Variants in ADGRB1 observed in about 807,000 individuals in gnomAD.
ADGRB1 encodes brain-specific angiogenesis inhibitor 1.
ADGRB1 carries 36 observed loss-of-function variants against 175.7 expected under a neutral mutation model. The observed-to-expected ratio is 0.20, with a 90% CI of 0.16 to 0.27. The LOEUF is 0.27. ADGRB1 is among the 10% of genes least tolerant of loss of function. The probability of loss-of-function intolerance (pLI) is 1.00; values close to 1 mark genes in which losing one functional copy is unlikely to be tolerated. For synonymous variants in ADGRB1, 1,054 were observed against 979.4 expected, an observed-to-expected ratio of 1.08 and a Z score of -1.42; for missense variants, 1,731 against 2,255.3, an observed-to-expected ratio of 0.77 and a Z score of 4.71.
intron 2 of ADGRB1, among the ~76,000 whole-genome samples, chr8:142,469,473 A>G (rs1241871724): frequency 7.6e-5 from 9 of 118,802 alleles, no homozygotes; most frequent in Admixed American, 2.5e-4. Context: ...ATGCACGTGC[A>G]TGTGTGAGTG....
chr8:142,469,271 G>A (rs576079435), intron 2 of ADGRB1, among the ~76,000 whole-genome samples: 4 of 150,238 alleles, frequency 2.7e-5, no homozygotes, highest in Admixed American at 6.6e-5. Flanking sequence ...GTGTGTGCAC[G>A]TGCAGGTGAG....
intron 23 of ADGRB1, 96 bp from the exon 24 acceptor site, chr8:142,526,446 T>G: frequency 8.8e-7 from 1 of 1,134,530 alleles, no homozygotes; most frequent in Non-Finnish European, 1.3e-6. Flanking sequence ...GGGTAGGGGG[T>G]CGTGGTTGGC....
At position 142,516,473 on chromosome 8, in the gene ADGRB1, G is replaced by A. The variant is rs556927874; in HGVS notation, c.2818-1665G>A. Among the ~76,000 whole-genome samples, 120 of 139,652 alleles carry A rather than the reference G, an allele frequency of 8.6e-4. 1 individual carries two copies. Among genetic ancestry groups the A allele is most frequent in the Non-Finnish European group, 1.5e-3 (99 of 65,110 alleles). The allele number at this position is 139,652 out of a possible 152,430, so 91.6% of individuals were successfully genotyped here. On this transcript the variant is annotated intron_variant, in intron 18 of 30. Coordinates refer to ENST00000517894, the MANE Select transcript of ADGRB1 (RefSeq NM_001702.3). ...GTGTGTCTGTGCGGGCCCCAGATGT[G>A]TGTGTGTGCGCGCGCGTGTGTGCGG...
At chr8:142,488,573 C>G in intron 14 of ADGRB1, 66 bp downstream of exon 14, 1 of 1,584,486 alleles carries the variant, frequency 6.3e-7, no homozygotes, top group Non-Finnish European at 8.6e-7. Flanking sequence ...CGGACGGTCA[C>G]CACCCTTCTG....
Position 142,526,842 on chromosome 8 carries a change from A to G in ADGRB1, c.3398+215A>G, listed in dbSNP as rs539593762. Among the ~76,000 whole-genome samples the G allele has an allele frequency of 5.6e-4, 85 of 152,324 alleles. 1 individual carries two copies. The South Asian group carries it at 0.018, about 32-fold the overall frequency. The stretch of plus-strand genomic sequence containing the variant: ...GCCTCAGTTTCTCCATCTGACCTGG[A>G]CAGGGTGGGTCCCATAAAGTCCTCA... On this transcript the variant is annotated intron_variant, in intron 24 of 30. Coordinates refer to ENST00000517894, the MANE Select transcript of ADGRB1 (RefSeq NM_001702.3).
Position 142,489,090 on chromosome 8 carries a change from C to T in ADGRB1, c.2508C>T (p.Gly836=), listed in dbSNP as rs1338614431. 8 of 1,609,330 alleles carry T rather than the reference C, an allele frequency of 5.0e-6. No homozygotes were observed. The highest frequency in any genetic ancestry group is 5.1e-6 in the Non-Finnish European group (6 of 1,179,036). The part of the protein sequence containing the change: ...VVGTVLYRNL[G]SFLALQRNTT... ...GCACCGTGCTCTACAGGAACCTGGG[C>T]AGCTTCCTGGCCCTGCAGAGGTGGG... is the stretch of plus-strand genomic sequence containing the variant. The change falls in exon 15 of 31, where the codon GGC becomes GGT. Residue 836 remains glycine (G), a synonymous_variant. Coordinates refer to ENST00000517894, the MANE Select transcript of ADGRB1 (RefSeq NM_001702.3).
rs1252022706 is a variant in ADGRB1, at chr8:142,511,189, TG to T, written c.2817+118del. The T allele has an allele frequency of 1.1e-6, 1 of 873,704 alleles. No homozygotes were observed. The highest frequency in any genetic ancestry group is 1.4e-6 in the Non-Finnish European group (1 of 722,684). 54.1% of individuals were successfully genotyped at this position (873,704 alleles called of 1,614,324 possible). A position where few individuals can be genotyped will look rare whatever the true frequency, so the allele number is the denominator to read the frequency against. ...CCGTCCTGTCCCGGAGGGGTCGCTG[TG>T]GCCCGCAGCCGCCGTGGCCTGGCCC... On this transcript the variant is annotated intron_variant, in intron 18 of 30. Coordinates refer to ENST00000517894, the MANE Select transcript of ADGRB1 (RefSeq NM_001702.3). The surrounding 1 kb of genome is among the most constrained non-coding windows in gnomAD (Gnocchi z 4.5).
chr8:142,539,288 G>A (rs1252575279), intron 26 of ADGRB1, 86 bp from the exon 27 acceptor site: 18 of 1,393,506 alleles, frequency 1.3e-5, no homozygotes, highest in South Asian at 1.3e-5. Flanking sequence ...CAGGAGCACC[G>A]TGGCCCTCCC....
At position 142,493,371 on chromosome 8, in the gene ADGRB1, C is replaced by T. The variant is rs1378701785; in HGVS notation, c.2675+2556C>T. Among the ~76,000 whole-genome samples the T allele has an allele frequency of 5.9e-5, 9 of 152,200 alleles. 1 individual carries two copies. The highest frequency in any genetic ancestry group is 4.2e-4 in the South Asian group (2 of 4,818). ...TTAGGCAGGGGCGGGGGCAGCAGGA[C>T]GGCGGTCAAGTCCCCAGGGTGTTTG... On this transcript the variant is annotated intron_variant, in intron 17 of 30. Coordinates refer to ENST00000517894, the MANE Select transcript of ADGRB1 (RefSeq NM_001702.3). This position sits in a 1 kb window ranked among gnomAD's most constrained non-coding sequence, Gnocchi z 5.0.
chr8:142,466,522 G>A (rs148165132), intron 2 of ADGRB1, among the ~76,000 whole-genome samples: 4 of 152,170 alleles, frequency 2.6e-5, no homozygotes, highest in Admixed American at 6.5e-5. Context: ...CCTGGGCAGT[G>A]GGGGGCCAGG....
Position 142,484,065 on chromosome 8 carries a change from C to T in ADGRB1, c.2199+20C>T, listed in dbSNP as rs767173619. ...CAGCTGGTAGGGCCTGGGGCCCCTACGGTCAGCAGCCTCAGGAGGGGTGCA... is the reference window on the plus strand; with the variant it reads ...CAGCTGGTAGGGCCTGGGGCCCCTATGGTCAGCAGCCTCAGGAGGGGTGCA... On this transcript the variant is annotated intron_variant, in intron 12 of 30. Transcript: ENST00000517894. 5.4e-5 allele frequency: 87 copies of T among 1,601,754 alleles called. No individual in the cohort carries two copies. Among genetic ancestry groups the T allele is most frequent in the Non-Finnish European group, 6.2e-5 (73 of 1,175,872 alleles).
At chr8:142,513,072 G>A (rs1050133559) in intron 18 of ADGRB1, among the ~76,000 whole-genome samples, 1 of 152,200 alleles carries the variant, frequency 6.6e-6, no homozygotes, top group Non-Finnish European at 1.5e-5. Flanking sequence ...CCCAGCCCAC[G>A]CACACTGGTG....
Position 142,504,264 on chromosome 8 carries a change from G to A in ADGRB1, c.2676-6668G>A, listed in dbSNP as rs1842755189. ...GGAGTCAAGGAGGCTTCTTAGGGGA[G>A]GCAGTGGCTCCAGGAGCCCTGGAGG... On this transcript the variant is annotated intron_variant, in intron 17 of 30. Coordinates refer to ENST00000517894, the MANE Select transcript of ADGRB1 (RefSeq NM_001702.3). The surrounding 1 kb of genome is among the most constrained non-coding windows in gnomAD (Gnocchi z 5.6). Among the ~76,000 whole-genome samples, 1 of 152,194 alleles carries A rather than the reference G, an allele frequency of 6.6e-6. No individual in the cohort carries two copies. Among genetic ancestry groups the A allele is most frequent in the Non-Finnish European group, 1.5e-5 (1 of 68,022 alleles).
intron 3 of ADGRB1, 34 bp downstream of exon 3, chr8:142,475,669 C>T (rs1347380874): frequency 1.6e-6 from 2 of 1,212,414 alleles, no homozygotes; most frequent in East Asian, 6.5e-5. Context: ...GAGCCGGAGC[C>T]CTGGAGAGGC....
rs566357727 is a variant in ADGRB1 at position 142,493,260 on chromosome 8, G to A, written c.2675+2445G>A. On this transcript the variant is annotated intron_variant, in intron 17 of 30. Transcript: ENST00000517894. The surrounding 1 kb of genome is among the most constrained non-coding windows in gnomAD (Gnocchi z 5.0). ...CTGCCCCAGGGACCCAACTGTGGCCGAAGAGGACATGCTGCGTGGCCTTGG... is the reference window on the plus strand; with the variant it reads ...CTGCCCCAGGGACCCAACTGTGGCCAAAGAGGACATGCTGCGTGGCCTTGG... Among the ~76,000 whole-genome samples, 9 of 152,212 alleles carry A rather than the reference G, an allele frequency of 5.9e-5. No individual in the cohort carries two copies. The highest frequency in any genetic ancestry group is 2.1e-4 in the South Asian group (1 of 4,826).
chr8:142,515,898 A>T (rs936817646), intron 18 of ADGRB1, among the ~76,000 whole-genome samples: 1 of 152,244 alleles, frequency 6.6e-6, no homozygotes, highest in Non-Finnish European at 1.5e-5. Flanking sequence ...CACTGTTCCC[A>T]TCTTGCCCTC....
intron 27 of ADGRB1, among the ~76,000 whole-genome samples, chr8:142,540,671 G>A (rs1486802338): frequency 6.6e-6 from 1 of 152,200 alleles, no homozygotes; most frequent in African/African-American, 2.4e-5. Context: ...GGGGAGCAAA[G>A]TGTGAGGTGT....
chr8:142,475,702 G>A lies in ADGRB1; in HGVS notation c.946+67G>A, dbSNP rs952263384. ...GGCGGGGCCTGTGAGGGAGGAGAGG[G>A]GGGTGGGGCCCTGGAGAGGAGGGGC... On this transcript the variant is annotated intron_variant, in intron 3 of 30. Transcript: ENST00000517894. The A allele has an allele frequency of 6.6e-6, 8 of 1,210,146 alleles. No individual in the cohort carries two copies. In the African/African-American group the frequency reaches 7.9e-5, roughly 12 times the overall value. The allele number at this position is 1,210,146 out of a possible 1,614,324, so 75.0% of individuals were successfully genotyped here. A position where few individuals can be genotyped will look rare whatever the true frequency, so the allele number is the denominator to read the frequency against.
At chr8:142,469,205 G>A (rs76317788) in intron 2 of ADGRB1, among the ~76,000 whole-genome samples, 19,588 of 152,110 alleles carry the variant, frequency 0.13, 1,564 homozygotes, top group East Asian at 0.19. Flanking sequence ...GTGCATGTGT[G>A]AATGTGTGTG....
Sources: allele counts gnomAD v4.1 joint callset (sites outside exome capture counted in the v4.1 genomes callset), GRCh38; gene constraint gnomAD v4.1.1; non-coding constraint Gnocchi (gnomAD v3.1); transcripts MANE v1.5; gene names NCBI Gene and HGNC (gene_info 2026-07-23, HGNC 2026-07-21).